AARS2: variants seen among roughly 807,000 people sequenced by gnomAD.
The protein encoded by AARS2 is alanyl-tRNA synthetase 2, mitochondrial, also known as alanine--tRNA ligase, mitochondrial.
Under a neutral mutation model 119.7 loss-of-function variants are expected in AARS2, and 78 were observed. The observed-to-expected ratio is 0.65, with a 90% CI of 0.54 to 0.79. The LOEUF (loss-of-function observed/expected upper bound fraction) is 0.79. AARS2 is among the 30% of genes least tolerant of loss of function. The pLI, the probability that AARS2 is intolerant of heterozygous loss-of-function variation, is 0.00. For synonymous variants in AARS2, 502 were observed against 526.3 expected (o/e 0.95, Z 0.63); for missense variants, 1,157 against 1,291.3 (o/e 0.90, Z 1.59).
chr6:44,312,366 G>A, intron 1 of AARS2, 103 bp from the exon 2 acceptor site: 1 of 1,220,052 alleles, frequency 8.2e-7, no homozygotes, highest in Non-Finnish European at 1.2e-6. Flanking sequence ...ACCGAAGGCT[G>A]ACTGTGCCCC....
intron 12 of AARS2, 22 bp downstream of exon 12, chr6:44,304,623 C>G: frequency 6.2e-7 from 1 of 1,614,198 alleles, no homozygotes; most frequent in Non-Finnish European, 8.5e-7. Flanking sequence ...AGAAATCAGC[C>G]TGGGTTGTGA....
At position 44,311,385 on chromosome 6, in the gene AARS2, C is replaced by A. The variant is rs1318749699; in HGVS notation, c.581+5G>T. 4 of 1,614,084 alleles carry A rather than the reference C, an allele frequency of 2.5e-6. No individual in the cohort carries two copies. The African/African-American group carries it at 5.3e-5, about 22-fold the overall frequency. ...GGAATGAACATAAGAAGGGGGCTGACTTACCCTAAGCTCAGCCAGATGTCC... is the reference window on the plus strand; with the variant it reads ...GGAATGAACATAAGAAGGGGGCTGAATTACCCTAAGCTCAGCCAGATGTCC... On this transcript the variant is annotated splice_donor_5th_base_variant and intron_variant, in intron 3 of 21. Transcript: ENST00000244571.
Position 44,302,836 on chromosome 6 carries a change from C to T in AARS2, c.2330G>A (p.Arg777His), listed in dbSNP as rs753126947. The T allele has an allele frequency of 4.3e-6, 7 of 1,613,870 alleles. No homozygotes were observed. The highest frequency in any genetic ancestry group is 2.2e-5 in the East Asian group (1 of 44,884). Residue 777 changes from arginine to histidine, a missense_variant, in exon 17 of 22, where the codon CGC (arginine) becomes CAC (histidine). By Grantham distance (29) the Arg-to-His change is conservative (BLOSUM62 0). Transcript: ENST00000244571. The stretch of plus-strand genomic sequence containing the variant: ...CTGCTCCCCAGTGACGGCCAGCAGG[C>T]GGGTAGTGCCCTTGGAAAGCTGGCG... Reference protein sequence around the residue: ...GDRQLSKGTTRLLAVTGEQAQ... With the variant: ...GDRQLSKGTTHLLAVTGEQAQ...
Position 44,302,732 on chromosome 6 carries a change from G to A in AARS2, c.2364+70C>T, listed in dbSNP as rs904178421. On this transcript the variant is annotated intron_variant, in intron 17 of 21. Coordinates refer to ENST00000244571, the MANE Select transcript of AARS2 (RefSeq NM_020745.4). ...TCTGCTGCTGGGCACCCCTGAGCCT[G>A]AGCATGTCACCTGCGTGTGTCCCAT... 5.5e-5 allele frequency: 84 copies of A among 1,518,430 alleles called. No homozygotes were observed. The Middle Eastern group carries it at 7.6e-4, about 14-fold the overall frequency. 94.1% of individuals were successfully genotyped at this position (1,518,430 alleles called of 1,614,324 possible).
At chr6:44,300,937 T>C in intron 21 of AARS2, 1 of 721,134 alleles carries the variant, frequency 1.4e-6, no homozygotes. Flanking sequence ...ATGTGAGGCC[T>C]GGGAGGGGTT....
At position 44,305,073 on chromosome 6, in the gene AARS2, C is replaced by G. The variant is rs776908718; in HGVS notation, c.1560G>C (p.Leu520=). The G allele has an allele frequency of 2.5e-6, 4 of 1,614,024 alleles. No individual in the cohort carries two copies. Among genetic ancestry groups the G allele is most frequent in the Non-Finnish European group, 3.4e-6 (4 of 1,180,036 alleles). The change falls in exon 11 of 22, where the codon CTG becomes CTC. Residue 520 remains leucine (L), a synonymous_variant. Transcript: ENST00000244571. This position sits in a 1 kb window ranked among gnomAD's most constrained non-coding sequence, Gnocchi z 4.6. ...TCTCACCATAACTTCCGCTGGGTCG[C>G]AGGGAGTAGTTGTACTTGGGGCTGT... ...TDDSPKYNYS[L]RPSGSYEFGT... is the part of the protein sequence containing the mutation.
In AARS2 at chr6:44,313,088, A is replaced by C. The variant is rs767082454; in HGVS notation, c.236T>G (p.Met79Arg). The C allele has an allele frequency of 6.2e-7, 1 of 1,613,358 alleles. No homozygotes were observed. The highest frequency in any genetic ancestry group is 8.5e-7 in the Non-Finnish European group (1 of 1,179,962). The change falls in exon 1 of 22, where the codon ATG becomes AGG. Residue 79 changes from methionine to arginine, a missense_variant. Coordinates refer to ENST00000244571, the MANE Select transcript of AARS2 (RefSeq NM_020745.4). ...GTATGGTTCGGCCCTCACCTGGTTC[A>C]TGCCCGCATTGACAAAAAGCAAACT... is the stretch of plus-strand genomic sequence containing the variant. ...DPSLLFVNAG[M>R]NQFKPIFLGT...
intron 7 of AARS2, among the ~76,000 whole-genome samples, 185 bp downstream of exon 7, chr6:44,306,738 C>T (rs1487026395): frequency 6.6e-6 from 1 of 152,154 alleles, no homozygotes; most frequent in Non-Finnish European, 1.5e-5. Flanking sequence ...GGAAAAGGAG[C>T]CTCCTCAAGT....
intron 19 of AARS2, among the ~76,000 whole-genome samples, chr6:44,301,692 T>C (rs1310798531): frequency 6.6e-6 from 1 of 152,054 alleles, no homozygotes; most frequent in Non-Finnish European, 1.5e-5. Context: ...TCATCATAGC[T>C]TCAGGCCCCT....
At chr6:44,310,686 C>T (rs995219852) in intron 4 of AARS2, among the ~76,000 whole-genome samples, 3 of 152,232 alleles carry the variant, frequency 2.0e-5, no homozygotes, top group Non-Finnish European at 4.4e-5. Context: ...GGGCACCAGA[C>T]ATCCCATCTT....
At position 44,305,074 on chromosome 6, in the gene AARS2, AG is replaced by A; in HGVS notation, c.1558del (p.Leu520CysfsTer71). 1 of 1,614,116 alleles carries A rather than the reference AG, an allele frequency of 6.2e-7. No homozygotes were observed. Among genetic ancestry groups the A allele is most frequent in the South Asian group, 1.1e-5 (1 of 91,078 alleles). On this transcript the variant is annotated frameshift_variant, in exon 11 of 22. Coordinates refer to ENST00000244571, the MANE Select transcript of AARS2 (RefSeq NM_020745.4). LOFTEE classifies it high-confidence loss of function. The surrounding 1 kb of genome is among the most constrained non-coding windows in gnomAD (Gnocchi z 4.6). Reference sequence around the variant, plus strand: ...CTCACCATAACTTCCGCTGGGTCGCAGGGAGTAGTTGTACTTGGGGCTGTCG... The same window carrying A: ...CTCACCATAACTTCCGCTGGGTCGCAGGAGTAGTTGTACTTGGGGCTGTCG... ...TDDSPKYNYS[L>X]RPSGSYEFGT...
chr6:44,312,300 T>C (rs745916757), intron 1 of AARS2, 37 bp from the exon 2 acceptor site: 13 of 1,596,520 alleles, frequency 8.1e-6, no homozygotes, highest in Non-Finnish European at 1.1e-5. Context: ...GAGAGGGATA[T>C]CCAATTTCTC....
chr6:44,305,267 C>T lies in AARS2; in HGVS notation c.1435-69G>A, dbSNP rs573141849. The T allele has an allele frequency of 2.7e-3, 4,277 of 1,592,800 alleles. 22 individuals are homozygous for T. Among genetic ancestry groups the T allele is most frequent in the Middle Eastern group, 0.021 (93 of 4,438 alleles). On this transcript the variant is annotated intron_variant, in intron 10 of 21. Coordinates refer to ENST00000244571, the MANE Select transcript of AARS2 (RefSeq NM_020745.4). The surrounding 1 kb of genome is among the most constrained non-coding windows in gnomAD (Gnocchi z 4.6). ...AAGAATGAAAGTGGGACTTCAGCCT[C>T]GCAGGGCCCTGTCCCTGCCACACAG...
Position 44,306,967 on chromosome 6 carries a change from G to A in AARS2, c.1105C>T (p.Pro369Ser), listed in dbSNP as rs1561941060. The change falls in exon 7 of 22, where the codon CCT becomes TCT. Residue 369 changes from proline (P) to serine (S), a missense_variant. Physicochemically the swap from Pro to Ser is moderately conservative, Grantham distance 74 (BLOSUM62 -1). Transcript: ENST00000244571. ...RFSMEILKAP[P>S]GFLGSLVPVV... ...GGTACCAGGCTGCCTAGGAAGCCAGGTGGTGCCTTTAAGATCTCCATGGAG... is the reference window on the plus strand; with the variant it reads ...GGTACCAGGCTGCCTAGGAAGCCAGATGGTGCCTTTAAGATCTCCATGGAG... The A allele has an allele frequency of 3.1e-6, 5 of 1,614,080 alleles. No homozygotes were observed. Among genetic ancestry groups the A allele is most frequent in the Non-Finnish European group, 2.5e-6 (3 of 1,179,986 alleles).
chr6:44,312,975 A>G (rs994770785), intron 1 of AARS2, 106 bp downstream of exon 1: 1 of 1,534,740 alleles, frequency 6.5e-7, no homozygotes, highest in African/African-American at 1.4e-5. Flanking sequence ...CTCTTTCCCC[A>G]AAAGCTACGA....
At position 44,303,102 on chromosome 6, in the gene AARS2, G is replaced by A. The variant is rs753952552; in HGVS notation, c.2219C>T (p.Ala740Val). Residue 740 changes from alanine to valine, a missense_variant, in exon 16 of 22, where the codon GCC becomes GTC. By Grantham distance (64) the Ala-to-Val change is moderately conservative. Transcript: ENST00000244571. The part of the protein sequence containing the change: ...VAHALDPASQ[A>V]ALQTSVELCC... ...TAGCTCCACAGAGGTCTGCAGTGCGGCTTGGGAGGCTGGGTCCAATGCATG... is the reference window on the plus strand; with the variant it reads ...TAGCTCCACAGAGGTCTGCAGTGCGACTTGGGAGGCTGGGTCCAATGCATG... 3.1e-6 allele frequency: 5 copies of A among 1,613,998 alleles called. No homozygotes were observed. In the Admixed American group the frequency reaches 8.3e-5, roughly 27 times the overall value.
At chr6:44,304,102 G>A in intron 14 of AARS2, 79 bp downstream of exon 14, 1 of 1,602,906 alleles carries the variant, frequency 6.2e-7, no homozygotes, top group Non-Finnish European at 8.5e-7. Context: ...GGACTCTAAG[G>A]GCAACCCGCT....
Position 44,300,595 on chromosome 6 carries a change from C to T in AARS2, c.2910G>A (p.Leu970=). 1 of 1,614,080 alleles carries T rather than the reference C, an allele frequency of 6.2e-7. No individual in the cohort carries two copies. The highest frequency in any genetic ancestry group is 2.2e-5 in the East Asian group (1 of 44,884). The change falls in exon 22 of 22, where the codon CTG becomes CTA. Residue 970 remains leucine (L), a synonymous_variant. Transcript: ENST00000244571. The part of the protein sequence containing the change: ...VAQGTGSTTD[L]EAALSIAQTY... ...TTTGGGCTATACTGAGGGCAGCTTC[C>T]AGGTCAGTAGTGCTTCCGGTGCCTT...
rs755984308 is a variant in AARS2 at position 44,306,391 on chromosome 6, T to G, written c.1189A>C (p.Ile397Leu). 6.2e-7 allele frequency: 1 copy of G among 1,613,962 alleles called. No individual in the cohort carries two copies. Among genetic ancestry groups the G allele is most frequent in the Non-Finnish European group, 8.5e-7 (1 of 1,180,006 alleles). ...YPELQRNSAQIANLVSEDEAA... is the reference protein window; with the variant it reads ...YPELQRNSAQLANLVSEDEAA... ...TCGTCCTCTGACACCAGGTTGGCGA[T>G]CTGAACCAGGCAGAGAAGAAGTGGA... The change falls in exon 9 of 22, where the codon ATC becomes CTC. Residue 397 changes from isoleucine to leucine, a missense_variant and splice_region_variant. Ile to Leu is a conservative substitution (Grantham distance 5). Transcript: ENST00000244571.
Sources: gnomAD v4.1 joint callset for allele counts (sites outside exome capture counted in the v4.1 genomes callset) on GRCh38, gnomAD v4.1.1 for gene constraint, Gnocchi (gnomAD v3.1) non-coding constraint, MANE v1.5 for transcripts, NCBI Gene and HGNC (gene_info 2026-07-23, HGNC 2026-07-21) for gene names.